SLC25A48: variants seen among roughly 807,000 people sequenced by gnomAD.
The protein encoded by SLC25A48 is CTC-321K16.1.
A neutral mutation model predicts 32.2 loss-of-function variants in SLC25A48; 29 were observed. The observed-to-expected ratio is 0.90, with a 90% CI of 0.67 to 1.23. The LOEUF is 1.23. Ranked by LOEUF, SLC25A48 falls within the 50% of genes most tolerant of loss-of-function variation. The probability of loss-of-function intolerance (pLI) is 0.00; values close to 1 mark genes in which losing one functional copy is unlikely to be tolerated. For synonymous variants in SLC25A48, 164 were observed against 172.3 expected (o/e 0.95, Z 0.38); for missense variants, 399 against 422.7 (o/e 0.94, Z 0.49).
intron 3 of SLC25A48, among the ~76,000 whole-genome samples, chr5:135,716,661 C>T (rs569329190): frequency 6.6e-6 from 1 of 152,330 alleles, no homozygotes; most frequent in East Asian, 1.9e-4. Context: ...TCTTGTCCAA[C>T]AAGGAGTCTT....
chr5:135,767,036 T>C (rs2126603977), intron 3 of SLC25A48, among the ~76,000 whole-genome samples: 1 of 151,966 alleles, frequency 6.6e-6, no homozygotes, highest in African/African-American at 2.4e-5. Context: ...GCTTGGTGTG[T>C]ACATCCCCCT....
chr5:135,779,678 A>C (rs1756672859), intron 3 of SLC25A48, among the ~76,000 whole-genome samples: 1 of 117,618 alleles, frequency 8.5e-6, no homozygotes, highest in African/African-American at 2.6e-5. Context: ...ATGTACAACC[A>C]CCCGGTAATA....
intron 3 of SLC25A48, among the ~76,000 whole-genome samples, chr5:135,671,274 A>G (rs77660187): frequency 0.038 from 5,748 of 152,304 alleles, 136 homozygotes; most frequent in African/African-American, 0.067. Context: ...GAAGTTTGTC[A>G]CTGATAAGCT....
intron 3 of SLC25A48, among the ~76,000 whole-genome samples, chr5:135,756,798 C>T (rs1755919402): frequency 6.6e-6 from 1 of 151,220 alleles, no homozygotes; most frequent in Non-Finnish European, 1.5e-5. Context: ...CACACTATGA[C>T]ATTAATAAAA....
At chr5:135,595,389 T>A (rs1422978894) in intron 1 of SLC25A48, among the ~76,000 whole-genome samples, 1 of 152,028 alleles carries the variant, frequency 6.6e-6, no homozygotes, top group Non-Finnish European at 1.5e-5. Context: ...CCACACTGGA[T>A]TGGAAGGTTA....
chr5:135,759,435 T>C (rs1254031259), intron 3 of SLC25A48, among the ~76,000 whole-genome samples: 1 of 152,180 alleles, frequency 6.6e-6, no homozygotes, highest in Non-Finnish European at 1.5e-5. Flanking sequence ...CTACAAGCAC[T>C]GGTGCAATAA....
chr5:135,869,024 A>G (rs1761439784), intron 4 of SLC25A48, among the ~76,000 whole-genome samples: 1 of 152,192 alleles, frequency 6.6e-6, no homozygotes, highest in South Asian at 2.1e-4. Flanking sequence ...AAGTGAAGAG[A>G]GTGGGAGAGA....
intron 3 of SLC25A48, among the ~76,000 whole-genome samples, chr5:135,779,070 C>T (rs1017833802): frequency 6.6e-6 from 1 of 151,728 alleles, no homozygotes; most frequent in African/African-American, 2.4e-5. Flanking sequence ...GGTGTACAAC[C>T]CCCTGTGATA....
At chr5:135,876,131 CTTTTTTTTTTT>C (rs1182130199) in intron 6 of SLC25A48, 12 of 24,410 alleles carry the variant, frequency 4.9e-4, no homozygotes, top group East Asian at 3.5e-3. Flanking sequence ...TTTTCTTCTT[CTTTTTTTTTTT>C]TTTTTTTTTT....
intron 6 of SLC25A48, among the ~76,000 whole-genome samples, chr5:135,879,601 A>AGTGTGTGT (rs1289206321): frequency 1.5e-5 from 2 of 134,050 alleles, no homozygotes; most frequent in Admixed American, 7.0e-5. Flanking sequence ...AGAGAGAGAG[A>AGTGTGTGT]GAGAGAGAGA....
intron 3 of SLC25A48, among the ~76,000 whole-genome samples, chr5:135,736,272 T>C (rs1755358304): frequency 6.6e-6 from 1 of 152,136 alleles, no homozygotes; most frequent in African/African-American, 2.4e-5. Context: ...TGCCCATTTT[T>C]CGACAAAAAT....
chr5:135,874,904 C>G, intron 6 of SLC25A48: 1 of 461,618 alleles, frequency 2.2e-6, no homozygotes, highest in Non-Finnish European at 3.8e-6. Flanking sequence ...AGTCAGCAGA[C>G]ATGGGTTCAA....
chr5:135,749,502 C>T (rs915899937), intron 3 of SLC25A48, among the ~76,000 whole-genome samples: 2 of 152,154 alleles, frequency 1.3e-5, no homozygotes, highest in African/African-American at 4.8e-5. Context: ...GGGCAGGAAT[C>T]TGATCTGCAT....
chr5:135,650,454 C>T (rs1263653668), intron 3 of SLC25A48: 11 of 455,866 alleles, frequency 2.4e-5, no homozygotes, highest in Admixed American at 4.7e-5. Context: ...CAGTGAGTTC[C>T]CAGGAACCAG....
chr5:135,800,671 C>T (rs1325565110), intron 3 of SLC25A48, among the ~76,000 whole-genome samples: 6 of 151,764 alleles, frequency 4.0e-5, no homozygotes, highest in Non-Finnish European at 8.8e-5. Context: ...ATATCGTAAA[C>T]ACCTTGAGTG....
At chr5:135,759,099 T>G (rs1755999266) in intron 3 of SLC25A48, among the ~76,000 whole-genome samples, 1 of 151,974 alleles carries the variant, frequency 6.6e-6, no homozygotes, top group Non-Finnish European at 1.5e-5. Flanking sequence ...CACACAATAA[T>G]ATTAATAAAA....
chr5:135,845,803 T>C (rs1030148833), intron 2 of SLC25A48, among the ~76,000 whole-genome samples: 4 of 152,192 alleles, frequency 2.6e-5, no homozygotes, highest in African/African-American at 9.7e-5. Context: ...GACTCACCTG[T>C]GGAAGAACCC....
chr5:135,808,133 TA>T (rs1386434171), intron 3 of SLC25A48, among the ~76,000 whole-genome samples: 2 of 151,044 alleles, frequency 1.3e-5, no homozygotes, highest in African/African-American at 2.4e-5. Flanking sequence ...TAAAACTAGA[TA>T]TTTTAAATGT....
intron 3 of SLC25A48, among the ~76,000 whole-genome samples, chr5:135,740,075 C>A (rs1022442981): frequency 6.6e-6 from 1 of 152,138 alleles, no homozygotes; most frequent in Non-Finnish European, 1.5e-5. Flanking sequence ...AAGCAGATTT[C>A]TTAGTGAGCC....
Sources: allele counts gnomAD v4.1 joint callset (sites outside exome capture counted in the v4.1 genomes callset), GRCh38; gene constraint gnomAD v4.1.1; transcripts MANE v1.5; gene names NCBI Gene and HGNC (gene_info 2026-07-23, HGNC 2026-07-21).